DRD3: variants seen among roughly 807,000 people sequenced by gnomAD.
DRD3 encodes the protein D(3) dopamine receptor.
A neutral mutation model predicts 36.3 loss-of-function variants in DRD3; 19 were observed. The ratio of observed to expected loss-of-function variants is 0.52; its 90% CI spans 0.36 to 0.77. The LOEUF is 0.77. DRD3 is among the 30% of genes least tolerant of loss of function. The pLI is 0.00. For synonymous variants in DRD3, 195 were observed against 203.7 expected, an observed-to-expected ratio of 0.96 and a Z score of 0.36; for missense variants, 465 against 505.3, an observed-to-expected ratio of 0.92 and a Z score of 0.77.
intron 3 of DRD3, among the ~76,000 whole-genome samples, chr3:114,149,681 T>G (rs1005159600): frequency 3.3e-5 from 5 of 152,240 alleles, no homozygotes; most frequent in Non-Finnish European, 7.3e-5. Flanking sequence ...AGGTGAGCCC[T>G]TAAAGGGGAC....
At chr3:114,175,351 T>C (rs2077887775) in intron 1 of DRD3, among the ~76,000 whole-genome samples, 1 of 152,146 alleles carries the variant, frequency 6.6e-6, no homozygotes, top group Non-Finnish European at 1.5e-5. Context: ...TTGGAAATGA[T>C]GACTGACATT....
rs1317223984 is a variant in DRD3 at position 114,146,420 on chromosome 3, T to C, written c.526+995A>G. Among the ~76,000 whole-genome samples, 4 of 152,252 alleles carry C rather than the reference T, an allele frequency of 2.6e-5. No individual in the cohort carries two copies. The South Asian group carries it at 6.2e-4, about 24-fold the overall frequency. ...GGTTTAATACCTTTCATTCGACACG[T>C]TAAATTACTGAGGCTGGCCGAACGC... is the stretch of plus-strand genomic sequence containing the variant. On this transcript the variant is annotated intron_variant, in intron 4 of 6. Transcript: ENST00000383673.
At chr3:114,194,129 C>T (rs2078025206) in intron 1 of DRD3, among the ~76,000 whole-genome samples, 2 of 152,146 alleles carry the variant, frequency 1.3e-5, no homozygotes, top group East Asian at 3.8e-4. Context: ...AATGATATCC[C>T]CAAATAACAC....
Position 114,172,027 on chromosome 3 carries a change from C to T in DRD3, c.-35G>A. 1 of 1,391,808 alleles carries T rather than the reference C, an allele frequency of 7.2e-7. No homozygotes were observed. The highest frequency in any genetic ancestry group is 9.4e-7 in the Non-Finnish European group (1 of 1,067,952). 86.2% of individuals were successfully genotyped at this position (1,391,808 alleles called of 1,614,324 possible). A position where few individuals can be genotyped will look rare whatever the true frequency, so the allele number is the denominator to read the frequency against. ...GGAGGTGCGTGATGCCAAGGGGCTT[C>T]CTGTGAGGAGACAGAAAACAATATT... On this transcript the variant is annotated splice_region_variant and 5_prime_UTR_variant, in exon 2 of 7. Coordinates refer to ENST00000383673, the MANE Select transcript of DRD3 (RefSeq NM_000796.6).
chr3:114,144,707 A>G (rs1221037066), intron 4 of DRD3, among the ~76,000 whole-genome samples: 1 of 152,232 alleles, frequency 6.6e-6, no homozygotes, highest in Admixed American at 6.5e-5. Flanking sequence ...ACCAGCTAAT[A>G]TCTACTGAGC....
chr3:114,160,315 C>T (rs190469990), intron 2 of DRD3, among the ~76,000 whole-genome samples: 247 of 152,088 alleles, frequency 1.6e-3, no homozygotes, highest in African/African-American at 5.3e-3. Flanking sequence ...GGTGCGATCT[C>T]GGCTCACCAC....
At chr3:114,162,574 G>T (rs1165180479) in intron 2 of DRD3, among the ~76,000 whole-genome samples, 1 of 152,208 alleles carries the variant, frequency 6.6e-6, no homozygotes, top group African/African-American at 2.4e-5. Flanking sequence ...CTGGTGTTCT[G>T]CAAAGCACTT....
chr3:114,166,039 G>A (rs1255237540), intron 2 of DRD3, among the ~76,000 whole-genome samples: 8 of 148,296 alleles, frequency 5.4e-5, no homozygotes, highest in African/African-American at 1.5e-4. Flanking sequence ...TAGCTGGAGT[G>A]CAGTGGCACA....
At chr3:114,159,251 T>G (rs1433445915) in intron 3 of DRD3, among the ~76,000 whole-genome samples, 1 of 152,088 alleles carries the variant, frequency 6.6e-6, no homozygotes. Context: ...ACAGCCATGC[T>G]TTCTAAAATT....
Position 114,131,106 on chromosome 3 carries a change from A to G in DRD3, c.1006+12T>C, listed in dbSNP as rs1326261616. Reference sequence around the variant, plus strand: ...ACCCAACCCAACACAGCTCAAGCCAACCCAAACTTACCAAGCACAATGGCC... The same window carrying G: ...ACCCAACCCAACACAGCTCAAGCCAGCCCAAACTTACCAAGCACAATGGCC... On this transcript the variant is annotated intron_variant, in intron 6 of 6. Transcript: ENST00000383673. 1 of 1,611,348 alleles carries G rather than the reference A, an allele frequency of 6.2e-7. No individual in the cohort carries two copies. Among genetic ancestry groups the G allele is most frequent in the Non-Finnish European group, 8.5e-7 (1 of 1,177,814 alleles).
intron 2 of DRD3, among the ~76,000 whole-genome samples, chr3:114,164,432 G>T (rs1402120754): frequency 2.0e-5 from 3 of 151,840 alleles, no homozygotes; most frequent in Non-Finnish European, 4.4e-5. Flanking sequence ...GTGTCTTCAG[G>T]TACTGAAATT....
At chr3:114,151,360 AAG>A (rs1172103957) in intron 3 of DRD3, among the ~76,000 whole-genome samples, 1 of 152,110 alleles carries the variant, frequency 6.6e-6, no homozygotes, top group Non-Finnish European at 1.5e-5. Context: ...TTTGATGTAA[AAG>A]AGCCTGACCC....
chr3:114,164,392 TGGCAATAC>T (rs1177224002), intron 2 of DRD3, among the ~76,000 whole-genome samples: 1 of 152,054 alleles, frequency 6.6e-6, no homozygotes, highest in East Asian at 1.9e-4. Context: ...TAACTCCCTG[TGGCAATAC>T]AGAAGTTGAG....
chr3:114,193,531 A>G (rs1221054548), intron 1 of DRD3, among the ~76,000 whole-genome samples: 3 of 152,132 alleles, frequency 2.0e-5, no homozygotes, highest in African/African-American at 7.2e-5. Context: ...TCCTGAGTCA[A>G]CTGGGGCTAT....
At chr3:114,132,028 C>A (rs1202646274) in intron 5 of DRD3, among the ~76,000 whole-genome samples, 1 of 152,108 alleles carries the variant, frequency 6.6e-6, no homozygotes, top group East Asian at 1.9e-4. Flanking sequence ...ACCAGAAATA[C>A]CATTTGACCC....
chr3:114,166,091 T>G (rs2077781447), intron 2 of DRD3, among the ~76,000 whole-genome samples: 1 of 151,626 alleles, frequency 6.6e-6, no homozygotes, highest in Non-Finnish European at 1.5e-5. Flanking sequence ...GTTCAAGCGA[T>G]TCTTCTGCCT....
rs747519491 is a variant in DRD3 at position 114,147,406 on chromosome 3, C to T, written c.526+9G>A. Reference sequence around the variant, plus strand: ...ACATGGATGCTAGAAATGAAGCCATCACTGTTACCTGTGGTATTAAAGCCA... The same window carrying T: ...ACATGGATGCTAGAAATGAAGCCATTACTGTTACCTGTGGTATTAAAGCCA... On this transcript the variant is annotated intron_variant, in intron 4 of 6. Transcript: ENST00000383673. The T allele has an allele frequency of 3.1e-6, 5 of 1,608,778 alleles. No homozygotes were observed. The highest frequency in any genetic ancestry group is 2.6e-6 in the Non-Finnish European group (3 of 1,175,734).
At chr3:114,134,051 C>G (rs762489571) in intron 5 of DRD3, among the ~76,000 whole-genome samples, 1 of 152,186 alleles carries the variant, frequency 6.6e-6, no homozygotes, top group Non-Finnish European at 1.5e-5. Flanking sequence ...AGCTGTTCTT[C>G]AGCCTTCTCA....
chr3:114,199,064 T>C (rs1434827868), intron 1 of DRD3, among the ~76,000 whole-genome samples: 4 of 152,378 alleles, frequency 2.6e-5, no homozygotes, highest in East Asian at 1.9e-4. Flanking sequence ...ACCTGTTATA[T>C]AGAATTTAAA....
Sources: gnomAD v4.1 joint callset for allele counts (sites outside exome capture counted in the v4.1 genomes callset) on GRCh38, gnomAD v4.1.1 for gene constraint, MANE v1.5 for transcripts, NCBI Gene and HGNC (gene_info 2026-07-23, HGNC 2026-07-21) for gene names.